The following ZNF181 variants were observed in gnomAD, a reference collection of about 807,000 sequenced individuals.
ZNF181 encodes the protein zinc finger protein 181.
ZNF181 carries 8 observed loss-of-function variants against 11.9 expected under a neutral mutation model. That is an observed-to-expected ratio of 0.67 (90% CI 0.39 to 1.21). The LOEUF is 1.21. ZNF181 is among the 50% of genes most tolerant of loss of function. ZNF181 has a pLI of 0.01. For synonymous variants in ZNF181, 202 were observed against 221.1 expected (o/e 0.91, Z 0.77); for missense variants, 542 against 670.9 (o/e 0.81, Z 2.12).
At chr19:34,739,062 T>G in intron 1 of ZNF181, 86 bp from the exon 2 acceptor site, 1 of 1,580,018 alleles carries the variant, frequency 6.3e-7, no homozygotes, top group African/African-American at 1.4e-5. Flanking sequence ...GTTCCATTTC[T>G]CCCACAACCA....
rs751006828 is a variant in ZNF181, at chr19:34,739,318, A to G, written c.130+50A>G. 6 of 1,606,214 alleles carry G rather than the reference A, an allele frequency of 3.7e-6. No individual in the cohort carries two copies. The East Asian group carries it at 1.3e-4, about 36-fold the overall frequency. On this transcript the variant is annotated intron_variant, in intron 2 of 3. Transcript: ENST00000492450. Reference sequence around the variant, plus strand: ...CAGTAGGGGACACCTTTCTTTTGCCACCCTGAATTGCTGGAGACCCTCCTA... The same window carrying G: ...CAGTAGGGGACACCTTTCTTTTGCCGCCCTGAATTGCTGGAGACCCTCCTA...
intron 1 of ZNF181, among the ~76,000 whole-genome samples, chr19:34,738,606 C>CA (rs2068922374): frequency 6.6e-6 from 1 of 151,268 alleles, no homozygotes; most frequent in Admixed American, 6.6e-5. Flanking sequence ...TGCAGTGGCG[C>CA]AACCTCCGCC....
chr19:34,741,746 C>T lies in ZNF181; in HGVS notation c.1365C>T (p.His455=). The T allele has an allele frequency of 1.2e-6, 2 of 1,613,962 alleles. No individual in the cohort carries two copies. The highest frequency in any genetic ancestry group is 1.3e-5 in the African/African-American group (1 of 75,022). The change falls in exon 4 of 4, where the codon CAC becomes CAT. Residue 455 remains histidine, a synonymous_variant. Coordinates refer to ENST00000492450, the MANE Select transcript of ZNF181 (RefSeq NM_001029997.4). The stretch of plus-strand genomic sequence containing the variant: ...CACTGAATATGCATTTGAGAAATCA[C>T]ATTAGATTGAAACCCTACGAATGCA... The part of the protein sequence containing the change: ...LESLNMHLRN[H]IRLKPYECSI...
chr19:34,739,427 C>A, intron 2 of ZNF181, 96 bp from the exon 3 acceptor site: 4 of 1,562,882 alleles, frequency 2.6e-6, no homozygotes, highest in South Asian at 1.1e-5. Context: ...CTTTCCATTT[C>A]GATGAATACC....
Position 34,734,960 on chromosome 19 carries a change from G to C in ZNF181, c.-78G>C. 1 of 1,480,294 alleles carries C rather than the reference G, an allele frequency of 6.8e-7. No homozygotes were observed. The highest frequency in any genetic ancestry group is 9.2e-7 in the Non-Finnish European group (1 of 1,091,476). The allele number at this position is 1,480,294 out of a possible 1,614,324, so 91.7% of individuals were successfully genotyped here. On this transcript the variant is annotated 5_prime_UTR_variant, in exon 1 of 4. Transcript: ENST00000492450. ...CATGACTGCTTTTTCCTGCCCTTCT[G>C]TGCCCTCAGGACACTGCCCATCTCT...
At position 34,741,937 on chromosome 19, in the gene ZNF181, G is replaced by A; in HGVS notation, c.1556G>A (p.Cys519Tyr). ...RIHTGEKPYK[C>Y]NECGKAFSKG... ...CACACTGGAGAAAAGCCATATAAAT[G>A]TAATGAGTGTGGGAAAGCTTTTAGC... The change falls in exon 4 of 4, where the codon TGT (cysteine) becomes TAT (tyrosine). Residue 519 changes from cysteine to tyrosine, a missense_variant. Transcript: ENST00000492450. 2 of 1,613,888 alleles carry A rather than the reference G, an allele frequency of 1.2e-6. No individual in the cohort carries two copies. Among genetic ancestry groups the A allele is most frequent in the Non-Finnish European group, 1.7e-6 (2 of 1,179,896 alleles).
chr19:34,739,834 C>A (rs2068942796), intron 3 of ZNF181, among the ~76,000 whole-genome samples: 1 of 152,150 alleles, frequency 6.6e-6, no homozygotes, highest in Non-Finnish European at 1.5e-5. Context: ...GTCATCCAAT[C>A]AAGGTTAGAG....
chr19:34,737,681 T>C (rs1421692077), intron 1 of ZNF181, among the ~76,000 whole-genome samples: 1 of 152,186 alleles, frequency 6.6e-6, no homozygotes, highest in African/African-American at 2.4e-5. Context: ...GTGCCCAACC[T>C]TTTTGGCACC....
rs779953599 is a variant in ZNF181, at chr19:34,740,572, A to AC, written c.230-39_230-38insC. ...GAAGTTTCTTTTCAAATAGTTAAAA[A>AC]AAAACAAAACAGTGCTTTGCTTTTT... On this transcript the variant is annotated intron_variant, in intron 3 of 3. Coordinates refer to ENST00000492450, the MANE Select transcript of ZNF181 (RefSeq NM_001029997.4). The AC allele has an allele frequency of 6.1e-5, 93 of 1,518,958 alleles. No individual in the cohort carries two copies. The Middle Eastern group carries it at 8.9e-4, about 14-fold the overall frequency. The allele number at this position is 1,518,958 out of a possible 1,614,324, so 94.1% of individuals were successfully genotyped here. A position where few individuals can be genotyped will look rare whatever the true frequency, so the allele number is the denominator to read the frequency against.
In ZNF181 at chr19:34,739,519, T is replaced by TA; in HGVS notation, c.131-2dup. 6.2e-7 allele frequency: 1 copy of TA among 1,614,020 alleles called. No individual in the cohort carries two copies. The highest frequency in any genetic ancestry group is 1.7e-5 in the Admixed American group (1 of 60,020). On this transcript the variant is annotated splice_region_variant and splice_polypyrimidine_tract_variant and intron_variant, in intron 2 of 3. Transcript: ENST00000492450. ...CTTAAACAATTCTGTATTCTTCCTG[T>TA]AAGCAGGTCTTTCTGTAACTAAGCC... is the stretch of plus-strand genomic sequence containing the variant.
rs1366209191 is a variant in ZNF181 at position 34,744,546 on chromosome 19, T to A, written c.*2449T>A. The stretch of plus-strand genomic sequence containing the variant: ...GTAGGCACACATCTGCAGTCCTAGC[T>A]ATTCAGGAGGCTGAGTGGGGAGGGA... On this transcript the variant is annotated 3_prime_UTR_variant, in exon 4 of 4. Coordinates refer to ENST00000492450, the MANE Select transcript of ZNF181 (RefSeq NM_001029997.4). The A allele has an allele frequency of 6.6e-6, 1 of 152,038 alleles. No individual in the cohort carries two copies. Among genetic ancestry groups the A allele is most frequent in the Non-Finnish European group, 1.5e-5 (1 of 68,022 alleles). 9.4% of individuals were successfully genotyped at this position (152,038 alleles called of 1,614,324 possible). A position where few individuals can be genotyped will look rare whatever the true frequency, so the allele number is the denominator to read the frequency against.
chr19:34,734,913 C>A lies in ZNF181; in HGVS notation c.-125C>A. 2 of 964,086 alleles carry A rather than the reference C, an allele frequency of 2.1e-6. No individual in the cohort carries two copies. Among genetic ancestry groups the A allele is most frequent in the Non-Finnish European group, 3.1e-6 (2 of 640,916 alleles). The allele number at this position is 964,086 out of a possible 1,614,324, so 59.7% of individuals were successfully genotyped here. On this transcript the variant is annotated 5_prime_UTR_variant, in exon 1 of 4. The change creates a premature stop within an existing upstream ORF in the 5' untranslated region. Coordinates refer to ENST00000492450, the MANE Select transcript of ZNF181 (RefSeq NM_001029997.4). ...TTTCCATTATGGTGTGTCACAGGTG[C>A]CGCAAGATAAGCCTGATTTTTCATG...
Position 34,742,245 on chromosome 19 carries a change from T to C in ZNF181, c.*148T>C. 5 of 697,658 alleles carry C rather than the reference T, an allele frequency of 7.2e-6. No homozygotes were observed. In the South Asian group the frequency reaches 1.4e-4, roughly 20 times the overall value. The allele number at this position is 697,658 out of a possible 1,614,324, so 43.2% of individuals were successfully genotyped here. On this transcript the variant is annotated 3_prime_UTR_variant, in exon 4 of 4. Coordinates refer to ENST00000492450, the MANE Select transcript of ZNF181 (RefSeq NM_001029997.4). ...AGTTTGTTTATTAGACTTTATACTG[T>C]AGAGAAATCATATGAAGACCATAAA...
Position 34,744,448 on chromosome 19 carries a change from GC to G in ZNF181, c.*2353del, listed in dbSNP as rs2069016537. On this transcript the variant is annotated 3_prime_UTR_variant, in exon 4 of 4. Coordinates refer to ENST00000492450, the MANE Select transcript of ZNF181 (RefSeq NM_001029997.4). ...GACCGAGGCAGGAGGATTGCTTGAG[GC>G]CAGGAGTTTGAGACCAGCCTGGGCA... The G allele has an allele frequency of 6.6e-6, 1 of 151,950 alleles. No homozygotes were observed. Among genetic ancestry groups the G allele is most frequent in the East Asian group, 1.9e-4 (1 of 5,164 alleles). 9.4% of individuals were successfully genotyped at this position (151,950 alleles called of 1,614,324 possible).
rs1362267194 is a variant in ZNF181 at position 34,742,038 on chromosome 19, C to G, written c.1657C>G (p.Pro553Ala). 6.2e-7 allele frequency: 1 copy of G among 1,610,592 alleles called. No homozygotes were observed. The highest frequency in any genetic ancestry group is 8.5e-7 in the Non-Finnish European group (1 of 1,178,534). ...CAATAGTGTGGTAAGTGTGGAAAAG[C>G]CTTTAGACTATATGAATCACTATAC... ...KPNSVVSVEK[P>A]LDYMNHYTCE... Residue 553 changes from proline to alanine, a missense_variant, in exon 4 of 4, where the codon CCT (proline) becomes GCT (alanine). By Grantham distance (27) the Pro-to-Ala change is conservative. Transcript: ENST00000492450.
chr19:34,739,388 A>G, intron 2 of ZNF181, 120 bp downstream of exon 2: 1 of 1,566,982 alleles, frequency 6.4e-7, no homozygotes, highest in Non-Finnish European at 8.7e-7. Context: ...GGAAATGTGC[A>G]GCTCTGTTGT....
rs2069012475 is a variant in ZNF181 at position 34,743,842 on chromosome 19, C to T, written c.*1745C>T. 6.6e-6 allele frequency: 1 copy of T among 152,192 alleles called. No individual in the cohort carries two copies. The highest frequency in any genetic ancestry group is 2.1e-4 in the South Asian group (1 of 4,824). The allele number at this position is 152,192 out of a possible 1,614,324, so 9.4% of individuals were successfully genotyped here. On this transcript the variant is annotated 3_prime_UTR_variant, in exon 4 of 4. Transcript: ENST00000492450. ...GAGAGATTTTGTTCTCTGCACTGAACCTTGACAGATAATTATGTTTTGTAA... is the reference window on the plus strand; with the variant it reads ...GAGAGATTTTGTTCTCTGCACTGAATCTTGACAGATAATTATGTTTTGTAA...
intron 3 of ZNF181, among the ~76,000 whole-genome samples, chr19:34,739,907 T>C (rs1015689745): frequency 1.3e-5 from 2 of 152,226 alleles, no homozygotes; most frequent in African/African-American, 4.8e-5. Context: ...AATTATTCTT[T>C]CTTAAATCTA....
chr19:34,741,415 A>G lies in ZNF181; in HGVS notation c.1034A>G (p.Gln345Arg), dbSNP rs1198568376. ...ATTGAACATCTAAGAATTCATACTCAAGAAAAACTCTATGAGTGTCGTATA... is the reference window on the plus strand; with the variant it reads ...ATTGAACATCTAAGAATTCATACTCGAGAAAAACTCTATGAGTGTCGTATA... ...HLIEHLRIHT[Q>R]EKLYECRICG... Residue 345 changes from glutamine (Q) to arginine (R), a missense_variant, in exon 4 of 4, where the codon CAA (glutamine) becomes CGA (arginine). Gln to Arg is a conservative substitution (Grantham distance 43, BLOSUM62 1). Transcript: ENST00000492450. 1.2e-6 allele frequency: 2 copies of G among 1,613,752 alleles called. No individual in the cohort carries two copies. Among genetic ancestry groups the G allele is most frequent in the African/African-American group, 2.7e-5 (2 of 74,894 alleles).
Sources: allele counts gnomAD v4.1 joint callset (sites outside exome capture counted in the v4.1 genomes callset), GRCh38; gene constraint gnomAD v4.1.1; transcripts MANE v1.5; gene names NCBI Gene and HGNC (gene_info 2026-07-23, HGNC 2026-07-21).